The following TESK2 variants were observed in gnomAD, a reference collection of about 807,000 sequenced individuals.
TESK2 encodes dual specificity testis-specific protein kinase 2.
In TESK2, 39 loss-of-function variants were observed where a neutral mutation model predicts 57.1. The ratio of observed to expected loss-of-function variants is 0.68; its 90% CI spans 0.53 to 0.89. The LOEUF (loss-of-function observed/expected upper bound fraction) is 0.89, where lower values mean the gene tolerates loss of function less well. TESK2 is among the 40% of genes least tolerant of loss of function. The pLI is 0.00. For synonymous variants in TESK2, 249 were observed against 267.9 expected, an observed-to-expected ratio of 0.93 and a Z score of 0.69; for missense variants, 646 against 732.1, an observed-to-expected ratio of 0.88 and a Z score of 1.36.
At position 45,344,834 on chromosome 1, in the gene TESK2, A is replaced by AC; in HGVS notation, c.*5dup. The AC allele has an allele frequency of 1.9e-6, 3 of 1,608,956 alleles. No homozygotes were observed. The highest frequency in any genetic ancestry group is 2.5e-6 in the Non-Finnish European group (3 of 1,177,880). ...ATCCCCAAGGTGAGGCAGGGACTAA[A>AC]CCCCCTCACCCATCCTGCTTTCCCT... On this transcript the variant is annotated 3_prime_UTR_variant, in exon 11 of 11. Coordinates refer to ENST00000372086, the MANE Select transcript of TESK2 (RefSeq NM_007170.3).
At chr1:45,441,397 G>A (rs942836949) in intron 2 of TESK2, among the ~76,000 whole-genome samples, 1 of 151,960 alleles carries the variant, frequency 6.6e-6, no homozygotes, top group Non-Finnish European at 1.5e-5. Context: ...GACTGGTCTC[G>A]AACTCCTGAC....
chr1:45,464,209 C>T lies in TESK2; in HGVS notation c.-86-6338G>A, dbSNP rs566259318. Among the ~76,000 whole-genome samples the T allele has an allele frequency of 3.9e-5, 6 of 152,100 alleles. No homozygotes were observed. The South Asian group carries it at 1.2e-3, about 32-fold the overall frequency. ...TTTTGGTGTCCTCTTCAATTTCTTT[C>T]ATCAATATTTTATAGTTTATAGCCT... is the stretch of plus-strand genomic sequence containing the variant. On this transcript the variant is annotated intron_variant, in intron 1 of 10. Transcript: ENST00000372086.
At chr1:45,470,286 T>C (rs1362002220) in intron 1 of TESK2, among the ~76,000 whole-genome samples, 1 of 152,204 alleles carries the variant, frequency 6.6e-6, no homozygotes, top group African/African-American at 2.4e-5. Context: ...TGTGTATCAA[T>C]ACCAAACACA....
At chr1:45,437,891 A>G (rs1037330309) in intron 2 of TESK2, among the ~76,000 whole-genome samples, 5 of 152,204 alleles carry the variant, frequency 3.3e-5, no homozygotes, top group Non-Finnish European at 7.3e-5. Context: ...ACAGACACAC[A>G]TAAGTGTTGC....
intron 1 of TESK2, among the ~76,000 whole-genome samples, chr1:45,461,240 CACCTGTAAT>C (rs1652318461): frequency 6.6e-6 from 1 of 151,986 alleles, no homozygotes; most frequent in Non-Finnish European, 1.5e-5. Context: ...CGGTGGCTCA[CACCTGTAAT>C]CCCAGCACTT....
chr1:45,448,072 C>CA (rs1414753564), intron 2 of TESK2, among the ~76,000 whole-genome samples: 4 of 138,478 alleles, frequency 2.9e-5, no homozygotes, highest in Admixed American at 7.3e-5. Flanking sequence ...CTTGTGTCTA[C>CA]AAAAAAAATA....
chr1:45,437,614 C>T (rs11579411), intron 2 of TESK2, among the ~76,000 whole-genome samples: 7,185 of 152,204 alleles, frequency 0.047, 237 homozygotes, highest in South Asian at 0.069. Flanking sequence ...AGTGAGCATC[C>T]TTGTTCCAGT....
intron 4 of TESK2, among the ~76,000 whole-genome samples, chr1:45,385,624 G>C (rs1051731483): frequency 7.3e-5 from 11 of 151,194 alleles, no homozygotes; most frequent in Admixed American, 4.0e-4. Flanking sequence ...TATTCACCAA[G>C]TATTATGAGG....
At chr1:45,484,103 T>C (rs1653353321) in intron 1 of TESK2, among the ~76,000 whole-genome samples, 1 of 113,746 alleles carries the variant, frequency 8.8e-6, no homozygotes, top group Non-Finnish European at 1.7e-5. Flanking sequence ...TTTTAATTCT[T>C]CTTTTTTTTT....
At chr1:45,402,092 AAAAG>A (rs1557559071) in intron 3 of TESK2, among the ~76,000 whole-genome samples, 10 of 146,132 alleles carry the variant, frequency 6.8e-5, no homozygotes, top group African/African-American at 2.0e-4. Flanking sequence ...AAAAAAAAAG[AAAAG>A]AAAAGAAAAG....
chr1:45,350,836 G>A (rs1044976028), intron 5 of TESK2, among the ~76,000 whole-genome samples: 1 of 152,184 alleles, frequency 6.6e-6, no homozygotes, highest in African/African-American at 2.4e-5. Context: ...GTTCCCAGAA[G>A]CTGCTGATGG....
intron 1 of TESK2, among the ~76,000 whole-genome samples, chr1:45,471,801 G>A (rs1470723997): frequency 1.3e-5 from 2 of 151,102 alleles, no homozygotes; most frequent in African/African-American, 2.4e-5. Context: ...CATTTTTTTA[G>A]AGATGGGGGT....
At chr1:45,401,873 C>T (rs1295902905) in intron 3 of TESK2, among the ~76,000 whole-genome samples, 1 of 152,060 alleles carries the variant, frequency 6.6e-6, no homozygotes, top group Non-Finnish European at 1.5e-5. Context: ...CTGCTGCCAA[C>T]GTTGAGCAGT....
intron 4 of TESK2, among the ~76,000 whole-genome samples, chr1:45,371,817 G>A (rs1256034186): frequency 1.3e-5 from 2 of 152,062 alleles, no homozygotes; most frequent in South Asian, 2.1e-4. Flanking sequence ...GCAGGCAGCC[G>A]AGATTACACC....
chr1:45,463,546 T>C (rs938413037), intron 1 of TESK2, among the ~76,000 whole-genome samples: 1 of 152,098 alleles, frequency 6.6e-6, no homozygotes, highest in Admixed American at 6.6e-5. Flanking sequence ...TATTTCTGGG[T>C]TCTCTATTCT....
intron 1 of TESK2, among the ~76,000 whole-genome samples, chr1:45,474,342 C>A (rs1652896753): frequency 1.3e-5 from 2 of 152,008 alleles, no homozygotes; most frequent in Non-Finnish European, 2.9e-5. Flanking sequence ...AAAAAATTTT[C>A]TGGGCCATGC....
chr1:45,351,984 G>A (rs960154337), intron 5 of TESK2, among the ~76,000 whole-genome samples: 5 of 152,142 alleles, frequency 3.3e-5, no homozygotes, highest in African/African-American at 9.7e-5. Flanking sequence ...AAGAAAGCCT[G>A]ATACTGTCCT....
chr1:45,346,547 GGGA>G, intron 9 of TESK2, 143 bp downstream of exon 9: 15 of 664,822 alleles, frequency 2.3e-5, no homozygotes, highest in Non-Finnish European at 2.9e-5. Context: ...AGCTGCCAGA[GGGA>G]GGAGGAGGAG....
At chr1:45,434,416 C>T (rs562138340) in intron 2 of TESK2, among the ~76,000 whole-genome samples, 5 of 151,384 alleles carry the variant, frequency 3.3e-5, no homozygotes, top group South Asian at 2.1e-4. Flanking sequence ...CTAAGCCTCT[C>T]GAGTAGCTTA....
Sources: gnomAD v4.1 joint callset for allele counts (sites outside exome capture counted in the v4.1 genomes callset) on GRCh38, gnomAD v4.1.1 for gene constraint, MANE v1.5 for transcripts, NCBI Gene and HGNC (gene_info 2026-07-23, HGNC 2026-07-21) for gene names.